The following ARFGEF3 variants were observed in gnomAD, a reference collection of about 807,000 sequenced individuals.
ARFGEF3 encodes the protein ARFGEF family member 3.
In ARFGEF3, 96 loss-of-function variants were observed where a neutral mutation model predicts 221.7. The observed-to-expected ratio is 0.43, with a 90% CI of 0.37 to 0.51. The LOEUF (loss-of-function observed/expected upper bound fraction) is 0.51. ARFGEF3 is among the 20% of genes least tolerant of loss of function. The pLI is 0.00. For synonymous variants in ARFGEF3, 1,145 were observed against 1,126.8 expected (o/e 1.02, Z -0.32); for missense variants, 2,410 against 2,789.9 (o/e 0.86, Z 3.07).
chr6:138,274,334 G>C (rs1019439599), intron 12 of ARFGEF3, among the ~76,000 whole-genome samples: 3 of 152,128 alleles, frequency 2.0e-5, no homozygotes, highest in Non-Finnish European at 4.4e-5. Context: ...TACCATGGAA[G>C]GAGACTGGTC....
intron 26 of ARFGEF3, among the ~76,000 whole-genome samples, chr6:138,315,839 G>T (rs1283882028): frequency 7.0e-6 from 1 of 141,908 alleles, no homozygotes; most frequent in African/African-American, 2.6e-5. Context: ...GACAAAGCGA[G>T]ACTGCATCTC....
At chr6:138,311,363 G>A (rs769913813) in intron 24 of ARFGEF3, 44 bp from the exon 25 acceptor site, 43 of 1,295,324 alleles carry the variant, frequency 3.3e-5, no homozygotes, top group Admixed American at 5.9e-5. Flanking sequence ...AGGGGGGCAC[G>A]CAAGGGTAAC....
At chr6:138,170,812 G>T in intron 2 of ARFGEF3, 99 bp downstream of exon 2, 1 of 742,510 alleles carries the variant, frequency 1.3e-6, no homozygotes, top group Non-Finnish European at 2.4e-6. Context: ...TTTGTTTTGT[G>T]CTGCTATAAC....
At chr6:138,196,368 C>A (rs1341415889) in intron 2 of ARFGEF3, among the ~76,000 whole-genome samples, 1 of 152,236 alleles carries the variant, frequency 6.6e-6, no homozygotes, top group Non-Finnish European at 1.5e-5. Context: ...TGCTCCCAGG[C>A]AACCTGTACA....
At chr6:138,309,414 G>A (rs1779784422) in intron 24 of ARFGEF3, among the ~76,000 whole-genome samples, 1 of 152,134 alleles carries the variant, frequency 6.6e-6, no homozygotes, top group South Asian at 2.1e-4. Flanking sequence ...CAAGAAGGGG[G>A]ACTTCTATAC....
At chr6:138,310,328 G>A (rs1330131832) in intron 24 of ARFGEF3, among the ~76,000 whole-genome samples, 1 of 152,186 alleles carries the variant, frequency 6.6e-6, no homozygotes, top group Admixed American at 6.5e-5. Flanking sequence ...TATAAAATGT[G>A]TTCATCTAAA....
chr6:138,312,413 C>T (rs915588203), intron 25 of ARFGEF3, among the ~76,000 whole-genome samples: 2 of 152,110 alleles, frequency 1.3e-5, no homozygotes, highest in African/African-American at 4.8e-5. Context: ...AAGGGACATG[C>T]GGCCCTGGCT....
intron 4 of ARFGEF3, among the ~76,000 whole-genome samples, chr6:138,220,242 A>G (rs1028194831): frequency 1.1e-4 from 16 of 152,150 alleles, no homozygotes; most frequent in Non-Finnish European, 2.4e-4. Context: ...TGTTCAAACA[A>G]TCTATCTGCC....
chr6:138,291,384 G>A lies in ARFGEF3; in HGVS notation c.3048-349G>A, dbSNP rs1460828629. The stretch of plus-strand genomic sequence containing the variant: ...TATATGGAGGGAAAGAGGGTGCCTG[G>A]GGAAAAATGGCTCAAACAGCAGGAG... On this transcript the variant is annotated intron_variant, in intron 18 of 33. Coordinates refer to ENST00000251691, the MANE Select transcript of ARFGEF3 (RefSeq NM_020340.5). The surrounding 1 kb of genome is among the most constrained non-coding windows in gnomAD (Gnocchi z 4.5). Among the ~76,000 whole-genome samples, 2 of 151,292 alleles carry A rather than the reference G, an allele frequency of 1.3e-5. No individual in the cohort carries two copies. Among genetic ancestry groups the A allele is most frequent in the Non-Finnish European group, 2.9e-5 (2 of 67,824 alleles).
chr6:138,282,774 C>G (rs1779218406), intron 14 of ARFGEF3, among the ~76,000 whole-genome samples: 1 of 152,094 alleles, frequency 6.6e-6, no homozygotes, highest in Non-Finnish European at 1.5e-5. Flanking sequence ...TCAGGCCGAG[C>G]ACAGTGGCTC....
chr6:138,319,444 G>A (rs2114677293), intron 27 of ARFGEF3, among the ~76,000 whole-genome samples: 1 of 152,084 alleles, frequency 6.6e-6, no homozygotes, highest in African/African-American at 2.4e-5. Context: ...AGTTGAGCAG[G>A]TGATATTTTA....
chr6:138,219,472 G>C (rs938525809), intron 4 of ARFGEF3, among the ~76,000 whole-genome samples: 1 of 152,210 alleles, frequency 6.6e-6, no homozygotes, highest in African/African-American at 2.4e-5. Context: ...CTTTGGCATC[G>C]TGAAATATCT....
intron 26 of ARFGEF3, 125 bp downstream of exon 26, chr6:138,314,064 G>A: frequency 1.0e-6 from 1 of 993,118 alleles, no homozygotes; most frequent in South Asian, 1.9e-5. Flanking sequence ...TGCTATAAGA[G>A]AATACTTGAG....
chr6:138,195,405 G>GGC (rs1398377928), intron 2 of ARFGEF3, among the ~76,000 whole-genome samples: 1 of 152,084 alleles, frequency 6.6e-6, no homozygotes, highest in Admixed American at 6.6e-5. Flanking sequence ...ATTCCCAAAA[G>GGC]GCAAAGTGTT....
chr6:138,289,237 G>C (rs1051331429), intron 17 of ARFGEF3, among the ~76,000 whole-genome samples: 1 of 152,166 alleles, frequency 6.6e-6, no homozygotes, highest in Admixed American at 6.5e-5. Context: ...ACAGATGTGA[G>C]CCACCACACC....
At chr6:138,240,880 G>A (rs950720292) in intron 6 of ARFGEF3, among the ~76,000 whole-genome samples, 3 of 152,042 alleles carry the variant, frequency 2.0e-5, no homozygotes, top group Non-Finnish European at 4.4e-5. Context: ...TATTCCCCTG[G>A]GAAACACTGA....
In ARFGEF3 at chr6:138,162,497, A is replaced by G. The variant is rs1434850644; in HGVS notation, c.85+326A>G. Among the ~76,000 whole-genome samples, 1 of 152,144 alleles carries G rather than the reference A, an allele frequency of 6.6e-6. No homozygotes were observed. The highest frequency in any genetic ancestry group is 1.9e-4 in the East Asian group (1 of 5,184). On this transcript the variant is annotated intron_variant, in intron 1 of 33. Transcript: ENST00000251691. This position sits in a 1 kb window ranked among gnomAD's most constrained non-coding sequence, Gnocchi z 4.7. ...TAGGCAGGACCCGGAGCCGGTGCGAATCCTGGGGCCTGACAGCGAAGCGCC... is the reference window on the plus strand; with the variant it reads ...TAGGCAGGACCCGGAGCCGGTGCGAGTCCTGGGGCCTGACAGCGAAGCGCC...
At chr6:138,275,139 T>A (rs7740654) in intron 12 of ARFGEF3, among the ~76,000 whole-genome samples, 24 of 151,746 alleles carry the variant, frequency 1.6e-4, no homozygotes, top group Admixed American at 4.6e-4. Context: ...AAATAAATTT[T>A]AAAAAATAAT....
intron 14 of ARFGEF3, 39 bp downstream of exon 14, chr6:138,280,203 G>A: frequency 1.2e-6 from 2 of 1,600,058 alleles, no homozygotes; most frequent in Admixed American, 1.7e-5. Context: ...CACGTGGTAG[G>A]GTGGGACGGC....
Sources: allele counts gnomAD v4.1 joint callset (sites outside exome capture counted in the v4.1 genomes callset), GRCh38; gene constraint gnomAD v4.1.1; non-coding constraint Gnocchi (gnomAD v3.1); transcripts MANE v1.5; gene names NCBI Gene and HGNC (gene_info 2026-07-23, HGNC 2026-07-21).